The following WDR5 variants were observed in gnomAD, a reference collection of about 807,000 sequenced individuals.
WDR5 encodes the protein WD repeat domain 5.
For missense variants in WDR5, 187 were observed against 416.9 expected (o/e 0.45, Z 4.80); for synonymous variants, 144 against 161.6 (o/e 0.89, Z 0.83).
chr9:134,150,920 G>GT (rs1832456158), intron 8 of WDR5, among the ~76,000 whole-genome samples: 1 of 152,216 alleles, frequency 6.6e-6, no homozygotes, highest in African/African-American at 2.4e-5. Context: ...CATTTTAACA[G>GT]TGACAAAAAT....
chr9:134,136,046 C>T (rs1268160280), upstream of WDR5: 6 of 150,040 alleles, frequency 4.0e-5, no homozygotes, highest in African/African-American at 1.5e-4. Flanking sequence ...CCCCGCCCCC[C>T]GGACACCGCC....
chr9:134,149,069 G>A (rs1832359903), intron 8 of WDR5, among the ~76,000 whole-genome samples: 1 of 152,136 alleles, frequency 6.6e-6, no homozygotes, highest in Non-Finnish European at 1.5e-5. Flanking sequence ...GATCTTACTA[G>A]GACTTCCTGC....
chr9:134,137,646 T>C (rs1831634422), intron 1 of WDR5, among the ~76,000 whole-genome samples: 1 of 130,158 alleles, frequency 7.7e-6, no homozygotes. Context: ...ATCGTGCACC[T>C]GGACTCTTTG....
chr9:134,148,575 T>G (rs899729029), intron 8 of WDR5, among the ~76,000 whole-genome samples: 2 of 151,484 alleles, frequency 1.3e-5, no homozygotes, highest in Non-Finnish European at 2.9e-5. Flanking sequence ...GTTGTTAGGG[T>G]GGGTCAGGGA....
Position 134,157,322 on chromosome 9 carries a change from A to G in WDR5, c.905-571A>G, listed in dbSNP as rs1832791451. Among the ~76,000 whole-genome samples, 1 of 152,156 alleles carries G rather than the reference A, an allele frequency of 6.6e-6. No homozygotes were observed. Among genetic ancestry groups the G allele is most frequent in the Admixed American group, 6.5e-5 (1 of 15,276 alleles). On this transcript the variant is annotated intron_variant, in intron 13 of 13. Transcript: ENST00000358625. The surrounding 1 kb of genome is among the most constrained non-coding windows in gnomAD (Gnocchi z 5.0). The stretch of plus-strand genomic sequence containing the variant: ...TTTGGTTTACGTAGAAGCTGTAAAC[A>G]CTTTGATGTGGCCGACCTTGCACCA...
rs1282066212 is a variant in WDR5, at chr9:134,155,917, C to A, written c.816+150C>A. The A allele has an allele frequency of 1.2e-5, 9 of 724,942 alleles. No individual in the cohort carries two copies. In the East Asian group the frequency reaches 2.3e-4, roughly 19 times the overall value. 44.9% of individuals were successfully genotyped at this position (724,942 alleles called of 1,614,324 possible). A position where few individuals can be genotyped will look rare whatever the true frequency, so the allele number is the denominator to read the frequency against. ...CAACCAAAGCGCACTGCGCCAAGTA[C>A]CGGGGACACCTTGTCCCGTTTGTTT... On this transcript the variant is annotated intron_variant, in intron 12 of 13. Coordinates refer to ENST00000358625, the MANE Select transcript of WDR5 (RefSeq NM_017588.3).
intron 1 of WDR5, among the ~76,000 whole-genome samples, chr9:134,136,573 A>G (rs1448636534): frequency 2.0e-5 from 3 of 151,180 alleles, no homozygotes; most frequent in African/African-American, 7.3e-5. Flanking sequence ...CCACCAAGCC[A>G]CTCAGTCCCT....
rs115474610 is a variant in WDR5 at position 134,138,469 on chromosome 9, A to G, written c.-58-1351A>G. ...AATGCAGCAGTTGGGTTAAATTGGC[A>G]TGGCTAGGTTGCACTAATGACAAGT... On this transcript the variant is annotated intron_variant, in intron 1 of 13. Transcript: ENST00000358625. Among the ~76,000 whole-genome samples the G allele has an allele frequency of 2.4e-3, 370 of 152,318 alleles. 4 individuals carry two copies. The highest frequency in any genetic ancestry group is 8.6e-3 in the African/African-American group (357 of 41,562).
intron 11 of WDR5, 65 bp from the exon 12 acceptor site, chr9:134,155,628 C>T (rs181393461): frequency 1.2e-5 from 18 of 1,536,812 alleles, no homozygotes; most frequent in East Asian, 6.8e-5. Flanking sequence ...TTGCTTAGAA[C>T]GTAGAATTAC....
chr9:134,140,454 CTGGTGCTGT>C (rs1831825821), intron 2 of WDR5, among the ~76,000 whole-genome samples: 1 of 152,076 alleles, frequency 6.6e-6, no homozygotes, highest in South Asian at 2.1e-4. Flanking sequence ...TCTGGCTCGG[CTGGTGCTGT>C]TGGTGCTGAG....
intron 8 of WDR5, among the ~76,000 whole-genome samples, chr9:134,150,092 G>C (rs754844842): frequency 6.6e-6 from 1 of 152,170 alleles, no homozygotes; most frequent in Non-Finnish European, 1.5e-5. Flanking sequence ...TCATGTCTTT[G>C]GTTTTAGCAT....
At chr9:134,145,712 C>A (rs1490789331) in intron 7 of WDR5, among the ~76,000 whole-genome samples, 3 of 152,176 alleles carry the variant, frequency 2.0e-5, no homozygotes, top group Non-Finnish European at 2.9e-5. Context: ...CCAGGGTTTG[C>A]CCTCTCTGGC....
intron 9 of WDR5, among the ~76,000 whole-genome samples, chr9:134,153,731 GCACGTGCT>G (rs1407784480): frequency 6.6e-6 from 1 of 151,614 alleles, no homozygotes; most frequent in Non-Finnish European, 1.5e-5. Flanking sequence ...ACCAGCGCGT[GCACGTGCT>G]TGGGGGTCGG....
intron 9 of WDR5, among the ~76,000 whole-genome samples, chr9:134,154,053 T>G (rs1196186225): frequency 1.3e-5 from 2 of 152,172 alleles, no homozygotes; most frequent in Non-Finnish European, 2.9e-5. Context: ...CAGATGCCCC[T>G]TGCGTCGATA....
In WDR5 at chr9:134,142,030, G is replaced by A. The variant is rs201701545; in HGVS notation, c.346G>A (p.Val116Met). ...TGACAAAACCTTGAAGATATGGGAC[G>A]TGAGCTCGGTAAGTGACACTCAGTG... ...SDDKTLKIWDVSSGKCLKTLK... is the reference protein window; with the variant it reads ...SDDKTLKIWDMSSGKCLKTLK... Residue 116 changes from valine to methionine, a missense_variant, in exon 5 of 14, where the codon GTG (valine) becomes ATG (methionine). Coordinates refer to ENST00000358625, the MANE Select transcript of WDR5 (RefSeq NM_017588.3). The A allele has an allele frequency of 2.2e-5, 36 of 1,613,866 alleles. No individual in the cohort carries two copies. The highest frequency in any genetic ancestry group is 2.8e-5 in the Non-Finnish European group (33 of 1,179,950).
chr9:134,145,096 G>GTTTTTTGTTTTTTT (rs1316019740), intron 7 of WDR5, among the ~76,000 whole-genome samples: 129 of 104,712 alleles, frequency 1.2e-3, no homozygotes, highest in Middle Eastern at 7.2e-3. Context: ...GTGGGGCTTT[G>GTTTTTTGTTTTTTT]TTTTTTTTTT....
chr9:134,142,899 T>C (rs1831966623), intron 7 of WDR5, among the ~76,000 whole-genome samples, 180 bp downstream of exon 7: 1 of 152,130 alleles, frequency 6.6e-6, no homozygotes, highest in South Asian at 2.1e-4. Context: ...AAATGAGTCC[T>C]GTGTGCAGTG....
chr9:134,135,346 C>G (rs1416521045), upstream of WDR5: 1 of 152,240 alleles, frequency 6.6e-6, no homozygotes, highest in Non-Finnish European at 1.5e-5. Context: ...GGGCTGGCCC[C>G]GGGAGAGCCC....
At chr9:134,154,702 G>A (rs1378147683) in intron 10 of WDR5, among the ~76,000 whole-genome samples, 161 bp downstream of exon 10, 1 of 152,200 alleles carries the variant, frequency 6.6e-6, no homozygotes, top group African/African-American at 2.4e-5. Context: ...TAGGTCGGAG[G>A]GCAGGCCCCC....
Sources: allele counts gnomAD v4.1 joint callset (sites outside exome capture counted in the v4.1 genomes callset), GRCh38; gene constraint gnomAD v4.1.1; non-coding constraint Gnocchi (gnomAD v3.1); transcripts MANE v1.5; gene names NCBI Gene and HGNC (gene_info 2026-07-23, HGNC 2026-07-21).